Variants in CDKL5 observed in about 807,000 individuals in gnomAD.
CDKL5 encodes the protein cyclin-dependent kinase-like 5.
In CDKL5, 8 loss-of-function variants were observed where a neutral mutation model predicts 61.7. The ratio of observed to expected loss-of-function variants is 0.13; its 90% CI spans 0.08 to 0.23. The LOEUF (loss-of-function observed/expected upper bound fraction) is 0.23. Ranked by LOEUF, CDKL5 falls within the 10% of genes least tolerant of loss-of-function variation. The pLI, the probability that CDKL5 is intolerant of heterozygous loss-of-function variation, is 1.00. For missense variants in CDKL5, 440 were observed against 734.5 expected, an observed-to-expected ratio of 0.60 and a Z score of 4.63; for synonymous variants, 275 against 272.3, an observed-to-expected ratio of 1.01 and a Z score of -0.10.
intron 17 of CDKL5, chrX:18,626,704 CT>C (rs1927059588): frequency 2.0e-5 from 1 of 49,147 alleles, no homozygotes; most frequent in African/African-American, 7.8e-5. Context: ...CTCTCTCTCT[CT>C]CTCTCTCTCT....
chrX:18,426,255 C>T (rs1012278283), intron 1 of CDKL5: 1 of 113,087 alleles, frequency 8.8e-6, no homozygotes. Context: ...TCCGCAACCT[C>T]CCCCGGACAA....
At chrX:18,568,882 G>T (rs1415742637) in intron 4 of CDKL5, among the ~76,000 whole-genome samples, 3 of 110,431 alleles carry the variant, frequency 2.7e-5, no homozygotes, top group Non-Finnish European at 5.7e-5. Context: ...TTTTGTAGAG[G>T]CAAGGTCTCG....
intron 20 of CDKL5, chrX:18,647,240 A>G (rs1230466997): frequency 8.3e-7 from 1 of 1,208,575 alleles, no homozygotes; most frequent in Non-Finnish European, 1.1e-6. Context: ...CACGAAGAAT[A>G]CCAGCCCACA....
intron 17 of CDKL5, 34 bp downstream of exon 17, chrX:18,625,281 A>G: frequency 1.7e-6 from 2 of 1,202,262 alleles, no homozygotes; most frequent in Non-Finnish European, 2.2e-6. Context: ...TAGACTCTCC[A>G]ACTCTCCAGT....
chrX:18,502,552 A>T (rs1236726079), intron 1 of CDKL5, among the ~76,000 whole-genome samples: 1 of 111,002 alleles, frequency 9.0e-6, no homozygotes, highest in Non-Finnish European at 1.9e-5. Context: ...TTTCACTCTT[A>T]ATGATATGGG....
rs1166276252 is a variant in CDKL5, at chrX:18,630,914, A to C, written c.*2157A>C. ...TTTTGCCTGGACACTAATGACTCTA[A>C]AAGGGTGTGTATTTAACTCTTCTTT... On this transcript the variant is annotated 3_prime_UTR_variant, in exon 18 of 18. Transcript: ENST00000623535. 1 of 744,424 alleles carries C rather than the reference A, an allele frequency of 1.3e-6. No individual in the cohort carries two copies. The highest frequency in any genetic ancestry group is 2.5e-5 in the African/African-American group (1 of 40,593). 61.3% of individuals were successfully genotyped at this position (744,424 alleles called of 1,213,427 possible).
At chrX:18,500,759 A>AT (rs2147087078) in intron 1 of CDKL5, among the ~76,000 whole-genome samples, 1 of 111,745 alleles carries the variant, frequency 8.9e-6, no homozygotes, top group South Asian at 3.7e-4. Context: ...ATATGGCATA[A>AT]TTTTTTTCTT....
chrX:18,565,311 C>T (rs1924931799), intron 4 of CDKL5, among the ~76,000 whole-genome samples: 1 of 111,626 alleles, frequency 9.0e-6, no homozygotes, highest in Non-Finnish European at 1.9e-5. Context: ...ACCCAGTGTC[C>T]GCACACATAT....
intron 12 of CDKL5, among the ~76,000 whole-genome samples, chrX:18,606,470 G>A (rs1269358454): frequency 8.9e-6 from 1 of 112,376 alleles, no homozygotes; most frequent in African/African-American, 3.2e-5. Flanking sequence ...GTCGTCTTAA[G>A]TGTGTGGGCT....
intron 1 of CDKL5, among the ~76,000 whole-genome samples, chrX:18,455,511 T>C (rs1458984106): frequency 8.9e-6 from 1 of 112,684 alleles, no homozygotes; most frequent in Non-Finnish European, 1.9e-5. Flanking sequence ...TTTGTACTGA[T>C]GGCAACAGCC....
intron 10 of CDKL5, among the ~76,000 whole-genome samples, chrX:18,597,591 ATT>A (rs58993237): frequency 2.7e-5 from 2 of 72,807 alleles, no homozygotes; most frequent in Non-Finnish European, 5.0e-5. Context: ...CTACAGAATG[ATT>A]TTTTTTTTTT....
At chrX:18,510,479 A>G (rs1016042196) in intron 2 of CDKL5, among the ~76,000 whole-genome samples, 2 of 112,551 alleles carry the variant, frequency 1.8e-5, no homozygotes, top group African/African-American at 6.4e-5. Flanking sequence ...TAAGTTCCAC[A>G]GAATCTTCTG....
intron 4 of CDKL5, among the ~76,000 whole-genome samples, chrX:18,571,713 C>G (rs983247716): frequency 9.0e-6 from 1 of 111,241 alleles, no homozygotes; most frequent in African/African-American, 3.3e-5. Context: ...GGCCAGGAAC[C>G]TTCAAAGTAC....
At chrX:18,499,053 G>A (rs935274468) in intron 1 of CDKL5, among the ~76,000 whole-genome samples, 1 of 112,018 alleles carries the variant, frequency 8.9e-6, no homozygotes, top group African/African-American at 3.2e-5. Context: ...TTACAGGCCC[G>A]AGCCACTGTG....
intron 17 of CDKL5, 110 bp from the exon 18 acceptor site, chrX:18,628,261 C>T: frequency 3.9e-6 from 3 of 776,354 alleles, no homozygotes; most frequent in South Asian, 2.1e-5. Context: ...CTTGCACATG[C>T]TTGCCCTTCC....
chrX:18,627,777 C>T (rs1414853523), intron 17 of CDKL5: 1 of 105,746 alleles, frequency 9.5e-6, no homozygotes, highest in Non-Finnish European at 1.9e-5. Flanking sequence ...GTTACCCTCC[C>T]CCTTTCAAAA....
At chrX:18,603,014 T>G (rs1056965478) in intron 11 of CDKL5, among the ~76,000 whole-genome samples, 11 of 112,264 alleles carry the variant, frequency 9.8e-5, no homozygotes, top group African/African-American at 2.9e-4. Context: ...AGTTTCAGCT[T>G]TCAAATAGAG....
chrX:18,650,224 A>G (rs1927970355), intron 20 of CDKL5: 6 of 493,416 alleles, frequency 1.2e-5, no homozygotes, highest in Non-Finnish European at 2.1e-5. Context: ...GGGCCTGTCC[A>G]GGCAGCAGAG....
intron 1 of CDKL5, among the ~76,000 whole-genome samples, chrX:18,498,077 G>T (rs1432150806): frequency 9.1e-6 from 1 of 109,827 alleles, no homozygotes; most frequent in Non-Finnish European, 1.9e-5. Flanking sequence ...TGATCCTTCC[G>T]CCTCAGCCTT....
Sources: allele counts gnomAD v4.1 joint callset (sites outside exome capture counted in the v4.1 genomes callset), GRCh38; gene constraint gnomAD v4.1.1; transcripts MANE v1.5; gene names NCBI Gene and HGNC (gene_info 2026-07-23, HGNC 2026-07-21).